The following AK5 variants were observed in gnomAD, a reference collection of about 807,000 sequenced individuals.
The protein encoded by AK5 is adenylate kinase isoenzyme 5.
In AK5, 27 loss-of-function variants were observed where a neutral mutation model predicts 69.5. That is an observed-to-expected ratio of 0.39 (90% confidence interval 0.29 to 0.54). The LOEUF (loss-of-function observed/expected upper bound fraction) is 0.54. AK5 is among the 20% of genes least tolerant of loss of function. The pLI is 0.71. For synonymous variants in AK5, 260 were observed against 244.4 expected (o/e 1.06, Z -0.60); for missense variants, 531 against 700.4 (o/e 0.76, Z 2.73).
intron 8 of AK5, among the ~76,000 whole-genome samples, chr1:77,445,255 A>C (rs1193200612): frequency 5.3e-5 from 8 of 152,192 alleles, no homozygotes; most frequent in Non-Finnish European, 7.3e-5. Context: ...CAAACAGTAT[A>C]CAAAAGTATT....
chr1:77,399,999 G>T (rs1405637981), intron 6 of AK5, among the ~76,000 whole-genome samples: 3 of 152,198 alleles, frequency 2.0e-5, no homozygotes, highest in African/African-American at 4.8e-5. Context: ...TTCCTGGCCA[G>T]TCTGCAGGAA....
intron 5 of AK5, among the ~76,000 whole-genome samples, chr1:77,322,004 T>G (rs1215544987): frequency 6.6e-6 from 1 of 152,198 alleles, no homozygotes; most frequent in Admixed American, 6.5e-5. Flanking sequence ...TTTTATGTAC[T>G]ATGAAAACAG....
At chr1:77,344,405 T>C (rs1199972615) in intron 6 of AK5, among the ~76,000 whole-genome samples, 1 of 152,214 alleles carries the variant, frequency 6.6e-6, no homozygotes, top group Non-Finnish European at 1.5e-5. Flanking sequence ...TTGGATGTAA[T>C]TTCTCAATAC....
intron 6 of AK5, among the ~76,000 whole-genome samples, chr1:77,408,426 C>G (rs897798646): frequency 4.6e-5 from 7 of 151,982 alleles, no homozygotes; most frequent in Admixed American, 1.3e-4. Context: ...ACTTGTAAGT[C>G]TTTTTTTGAG....
At chr1:77,383,911 A>T (rs1647825219) in intron 6 of AK5, among the ~76,000 whole-genome samples, 1 of 151,914 alleles carries the variant, frequency 6.6e-6, no homozygotes, top group Admixed American at 6.6e-5. Context: ...TCCAGTTATT[A>T]AGGAAAATGT....
chr1:77,485,924 C>G (rs999939179), intron 9 of AK5, among the ~76,000 whole-genome samples: 2 of 152,248 alleles, frequency 1.3e-5, no homozygotes, highest in African/African-American at 4.8e-5. Flanking sequence ...CAAGACCAGC[C>G]TGGCCAACAT....
intron 10 of AK5, among the ~76,000 whole-genome samples, chr1:77,509,962 C>T (rs1179863740): frequency 6.6e-6 from 1 of 152,236 alleles, no homozygotes; most frequent in Non-Finnish European, 1.5e-5. Context: ...TCACAACCAA[C>T]AGGTATTGTG....
rs568708157 is a variant in AK5 at position 77,473,910 on chromosome 1, AATGG to A, written c.1060-9403_1060-9400del. On this transcript the variant is annotated intron_variant, in intron 8 of 13. Coordinates refer to ENST00000354567, the MANE Select transcript of AK5 (RefSeq NM_174858.3). ...TACCACTCACACATGCTCTGAGCCA[AATGG>A]ATGATTCATGGGGAGTTTGGTGAGG... Among the ~76,000 whole-genome samples the A allele has an allele frequency of 4.6e-4, 70 of 152,294 alleles. No homozygotes were observed. In the East Asian group the frequency reaches 0.011, roughly 24 times the overall value.
rs1318700852 is a variant in AK5, at chr1:77,558,562, A to C, written c.1621-40A>C. On this transcript the variant is annotated intron_variant, in intron 13 of 13. Transcript: ENST00000354567. ...TTTCATTATTAAACATGATTTACAG[A>C]TATTTCAGACTAACTCTCTTTTTTT... 3.2e-6 allele frequency: 4 copies of C among 1,248,332 alleles called. No individual in the cohort carries two copies. The African/African-American group carries it at 4.4e-5, about 14-fold the overall frequency. The allele number at this position is 1,248,332 out of a possible 1,614,324, so 77.3% of individuals were successfully genotyped here.
chr1:77,317,447 G>A (rs1441238141), intron 5 of AK5, among the ~76,000 whole-genome samples: 2 of 151,946 alleles, frequency 1.3e-5, no homozygotes, highest in African/African-American at 4.8e-5. Flanking sequence ...TAGGAAGAGT[G>A]TAAAAAAACA....
At chr1:77,524,666 C>CAGATAT (rs1264943717) in intron 12 of AK5, among the ~76,000 whole-genome samples, 1 of 152,102 alleles carries the variant, frequency 6.6e-6, no homozygotes, top group Non-Finnish European at 1.5e-5. Flanking sequence ...ATATGACTTA[C>CAGATAT]AGATATTTTC....
chr1:77,558,525 G>GTGA lies in AK5; in HGVS notation c.1621-75_1621-73dup, dbSNP rs551477933. 15 of 922,914 alleles carry GTGA rather than the reference G, an allele frequency of 1.6e-5. No individual in the cohort carries two copies. In the African/African-American group the frequency reaches 2.3e-4, roughly 14 times the overall value. 57.2% of individuals were successfully genotyped at this position (922,914 alleles called of 1,614,324 possible). ...ATTTTGCAGAGCAAATTATGAGCAA[G>GTGA]TGATAGTGTTCTTTCATTATTAAAC... On this transcript the variant is annotated intron_variant, in intron 13 of 13. Transcript: ENST00000354567.
intron 6 of AK5, among the ~76,000 whole-genome samples, chr1:77,367,571 A>ATATATATGT (rs1646981534): frequency 6.3e-5 from 1 of 15,752 alleles, no homozygotes; most frequent in Non-Finnish European, 1.4e-4. Context: ...ATATATATAT[A>ATATATATGT]TATATATAAT....
At chr1:77,316,362 T>C (rs1570366617) in intron 5 of AK5, among the ~76,000 whole-genome samples, 1 of 152,122 alleles carries the variant, frequency 6.6e-6, no homozygotes, top group Non-Finnish European at 1.5e-5. Flanking sequence ...TGATTTCCTC[T>C]AGGATCTGTA....
intron 5 of AK5, among the ~76,000 whole-genome samples, chr1:77,334,948 G>T (rs924448854): frequency 6.6e-6 from 1 of 152,180 alleles, no homozygotes. Context: ...TGATAGCAAA[G>T]TCCAGTTGTC....
At chr1:77,292,498 A>C (rs1360688482) in intron 2 of AK5, among the ~76,000 whole-genome samples, 1 of 152,166 alleles carries the variant, frequency 6.6e-6, no homozygotes, top group Non-Finnish European at 1.5e-5. Context: ...AGAATTCCTC[A>C]TGGAAGGGCA....
chr1:77,527,585 G>A (rs1055604583), intron 12 of AK5, among the ~76,000 whole-genome samples: 7 of 152,158 alleles, frequency 4.6e-5, no homozygotes, highest in African/African-American at 1.2e-4. Context: ...GCATACAACC[G>A]TTAAGTGAGA....
chr1:77,333,854 A>C (rs1001244894), intron 5 of AK5, among the ~76,000 whole-genome samples: 4 of 152,254 alleles, frequency 2.6e-5, no homozygotes, highest in African/African-American at 9.6e-5. Flanking sequence ...TGTCTCATAG[A>C]AATCAGTACT....
chr1:77,309,260 AAAAG>A (rs1659812681), intron 5 of AK5, among the ~76,000 whole-genome samples: 1 of 152,102 alleles, frequency 6.6e-6, no homozygotes, highest in South Asian at 2.1e-4. Flanking sequence ...AAAATTGAAA[AAAAG>A]AAAGAAAATG....
Sources: allele counts gnomAD v4.1 joint callset (sites outside exome capture counted in the v4.1 genomes callset), GRCh38; gene constraint gnomAD v4.1.1; transcripts MANE v1.5; gene names NCBI Gene and HGNC (gene_info 2026-07-23, HGNC 2026-07-21).